The following CALB1 variants were observed in gnomAD, a reference collection of about 807,000 sequenced individuals.
The protein encoded by CALB1 is calbindin.
Under a neutral mutation model 46.7 loss-of-function variants are expected in CALB1, and 16 were observed. The observed-to-expected ratio is 0.34, with a 90% CI of 0.23 to 0.52. The LOEUF (loss-of-function observed/expected upper bound fraction) is 0.52, where lower values mean the gene tolerates loss of function less well. Among genes scored for constraint, CALB1 ranks in the 20% least tolerant of loss-of-function variants. CALB1 has a pLI of 0.95. For missense variants in CALB1, 224 were observed against 300.3 expected (o/e 0.75, Z 1.88); for synonymous variants, 90 against 112.8 (o/e 0.80, Z 1.28).
chr8:90,075,534 A>G (rs1427513837), intron 3 of CALB1, among the ~76,000 whole-genome samples: 3 of 152,068 alleles, frequency 2.0e-5, no homozygotes. Context: ...TGTGTTCTAT[A>G]TTATTTATAG....
Position 90,060,647 on chromosome 8 carries a change from C to T in CALB1, c.654G>A (p.Leu218=). 6.2e-7 allele frequency: 1 copy of T among 1,613,728 alleles called. No homozygotes were observed. The highest frequency in any genetic ancestry group is 8.5e-7 in the Non-Finnish European group (1 of 1,179,662). The change falls in exon 10 of 11, where the codon CTG becomes CTA. Residue 218 remains leucine (L), a synonymous_variant. Coordinates refer to ENST00000265431, the MANE Select transcript of CALB1 (RefSeq NM_004929.4). ...ENELDALLKD[L]CEKNKQDLDI... is the part of the protein sequence containing the mutation. Reference sequence around the variant, plus strand: ...AAGTTACCTGTTTATTCTTCTCGCACAGATCCTTCAGTAAAGCATCCAGTT... The same window carrying T: ...AAGTTACCTGTTTATTCTTCTCGCATAGATCCTTCAGTAAAGCATCCAGTT...
At chr8:90,076,130 G>T (rs548833924) in intron 3 of CALB1, among the ~76,000 whole-genome samples, 2 of 152,076 alleles carry the variant, frequency 1.3e-5, no homozygotes, top group Admixed American at 6.5e-5. Flanking sequence ...AATTATTTCT[G>T]CTTCAGCTGA....
At chr8:90,064,546 G>C (rs940937039) in intron 6 of CALB1, 1 of 151,836 alleles carries the variant, frequency 6.6e-6, no homozygotes, top group Non-Finnish European at 1.5e-5. Flanking sequence ...ACTCCCATCT[G>C]AGTGGGTTTT....
At chr8:90,070,837 AGT>A (rs35368479) in intron 3 of CALB1, among the ~76,000 whole-genome samples, 12,099 of 121,374 alleles carry the variant, frequency 0.1, 575 homozygotes, top group East Asian at 0.17. Flanking sequence ...GCATCATTGC[AGT>A]GTGTGTGTGT....
chr8:90,060,372 T>A, intron 10 of CALB1, 86 bp from the exon 11 acceptor site: 6 of 814,370 alleles, frequency 7.4e-6, no homozygotes, highest in Non-Finnish European at 1.3e-5. Context: ...GAGATGAAAC[T>A]ACTTGTTACA....
chr8:90,074,724 T>C (rs1586183365), intron 3 of CALB1, among the ~76,000 whole-genome samples: 1 of 152,200 alleles, frequency 6.6e-6, no homozygotes, highest in Non-Finnish European at 1.5e-5. Flanking sequence ...GTTACAGTTT[T>C]AGGACTAAAA....
chr8:90,082,810 TGGGCGCGGGCGCTGCC>T lies in CALB1; in HGVS notation c.-129_-114del, dbSNP rs1372576258. 3.8e-6 allele frequency: 4 copies of T among 1,039,188 alleles called. No individual in the cohort carries two copies. The East Asian group carries it at 9.6e-5, about 25-fold the overall frequency. The allele number at this position is 1,039,188 out of a possible 1,614,324, so 64.4% of individuals were successfully genotyped here. On this transcript the variant is annotated 5_prime_UTR_variant, in exon 1 of 11. Transcript: ENST00000265431. ...CGAGTCAGGGCTGCGGAGGGAGACC[TGGGCGCGGGCGCTGCC>T]GGGCGCTGTCCTCGGTGCTGCTCAG...
At chr8:90,060,386 A>G (rs1280642268) in intron 10 of CALB1, 100 bp from the exon 11 acceptor site, 2 of 780,330 alleles carry the variant, frequency 2.6e-6, no homozygotes, top group East Asian at 2.5e-5. Flanking sequence ...TGTTACATCA[A>G]TCCATTAACA....
Position 90,060,683 on chromosome 8 carries a change from T to G in CALB1, c.618A>C (p.Ile206=), listed in dbSNP as rs1472651980. ...GTAAAGCATCCAGTTCATTTTCATC[T>G]ATGTATCCATTGCCGTCCTGGGGGA... ...ELYDQDGNGY[I]DENELDALLK... The change falls in exon 10 of 11, where the codon ATA becomes ATC. Residue 206 remains isoleucine, a synonymous_variant. Coordinates refer to ENST00000265431, the MANE Select transcript of CALB1 (RefSeq NM_004929.4). 1 of 1,613,486 alleles carries G rather than the reference T, an allele frequency of 6.2e-7. No individual in the cohort carries two copies. The highest frequency in any genetic ancestry group is 1.7e-5 in the Admixed American group (1 of 60,028).
At position 90,059,686 on chromosome 8, in the gene CALB1, G is replaced by C. The variant is rs1016520498; in HGVS notation, c.*487C>G. ...ATAAAGCCACAATTAACTATATTTT[G>C]GTGAGTATTTTAGATGGAAAAGCAC... On this transcript the variant is annotated 3_prime_UTR_variant, in exon 11 of 11. Transcript: ENST00000265431. The C allele has an allele frequency of 6.5e-6, 1 of 153,376 alleles. No homozygotes were observed. The highest frequency in any genetic ancestry group is 2.4e-5 in the African/African-American group (1 of 41,412). 9.5% of individuals were successfully genotyped at this position (153,376 alleles called of 1,614,324 possible).
intron 1 of CALB1, 48 bp from the exon 2 acceptor site, chr8:90,082,150 GTCTTTCCCGTTCACTTTCCA>G: frequency 6.7e-7 from 1 of 1,488,358 alleles, no homozygotes; most frequent in Non-Finnish European, 9.3e-7. Flanking sequence ...CATTCCAAGT[GTCTTTCCCGTTCACTTTCCA>G]AGACAGTTAT....
intron 3 of CALB1, among the ~76,000 whole-genome samples, chr8:90,073,153 T>C (rs117445114): frequency 6.6e-6 from 1 of 152,324 alleles, no homozygotes; most frequent in East Asian, 1.9e-4. Context: ...ATTAACTATT[T>C]GTTTAGCATC....
chr8:90,061,314 ACCTTT>A (rs1295586261), intron 9 of CALB1: 1 of 152,200 alleles, frequency 6.6e-6, no homozygotes, highest in Non-Finnish European at 1.5e-5. Flanking sequence ...ATACCGTATT[ACCTTT>A]CCTATGAAAA....
intron 3 of CALB1, among the ~76,000 whole-genome samples, chr8:90,072,905 G>C (rs1310918241): frequency 6.6e-6 from 1 of 152,096 alleles, no homozygotes; most frequent in Admixed American, 6.6e-5. Flanking sequence ...GAATATCAAG[G>C]GGATGAGTGG....
intron 3 of CALB1, among the ~76,000 whole-genome samples, chr8:90,070,385 CAG>C (rs894908409): frequency 7.2e-5 from 11 of 152,122 alleles, no homozygotes; most frequent in African/African-American, 2.7e-4. Flanking sequence ...GCCTTAAAGT[CAG>C]AGTCAGTTCT....
chr8:90,060,058 T>G lies in CALB1; in HGVS notation c.*115A>C, dbSNP rs971122522. 1.5e-5 allele frequency: 10 copies of G among 681,570 alleles called. No individual in the cohort carries two copies. Among genetic ancestry groups the G allele is most frequent in the Non-Finnish European group, 2.4e-5 (9 of 378,356 alleles). 42.2% of individuals were successfully genotyped at this position (681,570 alleles called of 1,614,324 possible). A position where few individuals can be genotyped will look rare whatever the true frequency, so the allele number is the denominator to read the frequency against. Reference sequence around the variant, plus strand: ...GAATGAGCCACACATCCTGGATAATTATCTATATGCAGTTAAATTTACAGA... The same window carrying G: ...GAATGAGCCACACATCCTGGATAATGATCTATATGCAGTTAAATTTACAGA... On this transcript the variant is annotated 3_prime_UTR_variant, in exon 11 of 11. Transcript: ENST00000265431.
At chr8:90,068,107 T>C (rs577374418) in intron 5 of CALB1, among the ~76,000 whole-genome samples, 146 of 152,316 alleles carry the variant, frequency 9.6e-4, no homozygotes, top group Non-Finnish European at 1.7e-3. Flanking sequence ...TCCATATTCC[T>C]GAAAGGCTAG....
rs1415716379 is a variant in CALB1, at chr8:90,059,289, T to C, written c.*884A>G. On this transcript the variant is annotated 3_prime_UTR_variant, in exon 11 of 11. Coordinates refer to ENST00000265431, the MANE Select transcript of CALB1 (RefSeq NM_004929.4). The stretch of plus-strand genomic sequence containing the variant: ...GAGTTGTTATAGCTAGAAAAAAATA[T>C]TTTCAGAGGCAGCAGATACCCTTGG... 7 of 152,516 alleles carry C rather than the reference T, an allele frequency of 4.6e-5. No individual in the cohort carries two copies. Among genetic ancestry groups the C allele is most frequent in the African/African-American group, 1.7e-4 (7 of 41,432 alleles). The allele number at this position is 152,516 out of a possible 1,614,324, so 9.4% of individuals were successfully genotyped here.
At chr8:90,069,815 G>A (rs1311146094) in intron 3 of CALB1, among the ~76,000 whole-genome samples, 2 of 152,098 alleles carry the variant, frequency 1.3e-5, no homozygotes, top group South Asian at 2.1e-4. Flanking sequence ...ATGGTGGGGC[G>A]TTAAACAGGA....
Sources: allele counts gnomAD v4.1 joint callset (sites outside exome capture counted in the v4.1 genomes callset), GRCh38; gene constraint gnomAD v4.1.1; transcripts MANE v1.5; gene names NCBI Gene and HGNC (gene_info 2026-07-23, HGNC 2026-07-21).